The following NEGR1 variants were observed in gnomAD, a reference collection of about 807,000 sequenced individuals.
NEGR1 encodes IgLON family member 4.
Under a neutral mutation model 40.9 loss-of-function variants are expected in NEGR1, and 10 were observed. The observed-to-expected ratio is 0.24, with a 90% confidence interval of 0.15 to 0.42. The LOEUF is 0.42. NEGR1 is among the 10% of genes least tolerant of loss of function. The pLI, the probability that NEGR1 is intolerant of heterozygous loss-of-function variation, is 1.00. For missense variants in NEGR1, 352 were observed against 438.9 expected (o/e 0.80, Z 1.77); for synonymous variants, 185 against 166.8 (o/e 1.11, Z -0.84).
At chr1:71,778,457 A>G (rs1656587297) in intron 2 of NEGR1, among the ~76,000 whole-genome samples, 1 of 152,164 alleles carries the variant, frequency 6.6e-6, no homozygotes, top group Admixed American at 6.5e-5. Context: ...GGCTAGGTTA[A>G]GTTATGATGT....
At chr1:72,088,749 A>G (rs767927753) in intron 1 of NEGR1, among the ~76,000 whole-genome samples, 1 of 151,344 alleles carries the variant, frequency 6.6e-6, no homozygotes, top group Non-Finnish European at 1.5e-5. Flanking sequence ...ATGGAAACAT[A>G]CAATGATAAG....
chr1:72,170,572 A>G (rs1367355406), intron 1 of NEGR1, among the ~76,000 whole-genome samples: 3 of 152,178 alleles, frequency 2.0e-5, no homozygotes, highest in East Asian at 1.9e-4. Context: ...CTAAGCCAGA[A>G]AAAGAGGTAA....
At chr1:71,686,110 G>T (rs931204686) in intron 4 of NEGR1, among the ~76,000 whole-genome samples, 1 of 152,034 alleles carries the variant, frequency 6.6e-6, no homozygotes, top group Non-Finnish European at 1.5e-5. Flanking sequence ...TAGGAGGAAA[G>T]AAAAATCCAT....
intron 1 of NEGR1, among the ~76,000 whole-genome samples, chr1:72,165,200 A>G (rs1324042626): frequency 6.6e-6 from 1 of 152,098 alleles, no homozygotes; most frequent in East Asian, 1.9e-4. Flanking sequence ...TCTCTGTTAC[A>G]TGAAATATAG....
chr1:71,865,096 T>C (rs1385814774), intron 2 of NEGR1, among the ~76,000 whole-genome samples: 1 of 152,090 alleles, frequency 6.6e-6, no homozygotes, highest in Admixed American at 6.6e-5. Context: ...CAGAAATCAG[T>C]AGTAAGGATA....
At chr1:72,095,009 G>C (rs1424611631) in intron 1 of NEGR1, among the ~76,000 whole-genome samples, 1 of 152,028 alleles carries the variant, frequency 6.6e-6, no homozygotes, top group Non-Finnish European at 1.5e-5. Context: ...CAGTACACAA[G>C]AGAAATTATT....
At chr1:71,861,647 G>A (rs886200075) in intron 2 of NEGR1, among the ~76,000 whole-genome samples, 6 of 152,014 alleles carry the variant, frequency 3.9e-5, no homozygotes, top group African/African-American at 1.4e-4. Context: ...TAAGAAAGAT[G>A]GCTAACCTTT....
chr1:71,949,692 C>T (rs560368458), intron 1 of NEGR1, among the ~76,000 whole-genome samples: 3 of 152,164 alleles, frequency 2.0e-5, no homozygotes, highest in Admixed American at 1.3e-4. Context: ...AATTGAAGCA[C>T]ACACAGCAAT....
intron 1 of NEGR1, among the ~76,000 whole-genome samples, chr1:72,034,205 C>A (rs1646883160): frequency 1.3e-5 from 2 of 152,068 alleles, no homozygotes. Context: ...AAATATTTGG[C>A]CAGTTACAAT....
At chr1:71,965,903 G>A (rs556623373) in intron 1 of NEGR1, among the ~76,000 whole-genome samples, 2 of 152,192 alleles carry the variant, frequency 1.3e-5, no homozygotes, top group African/African-American at 4.8e-5. Context: ...GACAGTAAAA[G>A]ATTATAACTG....
chr1:71,927,585 G>C (rs1645786652), intron 2 of NEGR1, among the ~76,000 whole-genome samples: 1 of 151,874 alleles, frequency 6.6e-6, no homozygotes, highest in African/African-American at 2.4e-5. Flanking sequence ...ATTCTAAATT[G>C]TTTAGATATC....
At chr1:71,555,214 A>G (rs970456435) in intron 6 of NEGR1, among the ~76,000 whole-genome samples, 9 of 150,494 alleles carry the variant, frequency 6.0e-5, no homozygotes, top group African/African-American at 2.2e-4. Flanking sequence ...TTAGACCGCT[A>G]GCCATTCTTA....
chr1:71,909,811 T>C (rs1661374472), intron 2 of NEGR1, among the ~76,000 whole-genome samples: 1 of 152,190 alleles, frequency 6.6e-6, no homozygotes, highest in Non-Finnish European at 1.5e-5. Context: ...ACATTAATAT[T>C]GAGGAGATGT....
chr1:71,584,223 C>T (rs1285923478), intron 6 of NEGR1, among the ~76,000 whole-genome samples: 2 of 152,174 alleles, frequency 1.3e-5, no homozygotes, highest in Non-Finnish European at 2.9e-5. Flanking sequence ...TCAATGAGGA[C>T]ATGCCATTTT....
chr1:71,655,092 C>T (rs1651836374), intron 4 of NEGR1, among the ~76,000 whole-genome samples: 1 of 152,076 alleles, frequency 6.6e-6, no homozygotes, highest in Admixed American at 6.6e-5. Flanking sequence ...AGTTTTAATT[C>T]CATTTAAAGA....
intron 4 of NEGR1, among the ~76,000 whole-genome samples, chr1:71,695,925 C>T (rs1653461445): frequency 6.6e-6 from 1 of 151,790 alleles, no homozygotes; most frequent in African/African-American, 2.4e-5. Context: ...GCTCAGGATG[C>T]TTCAACTATG....
chr1:72,227,560 T>TA (rs1481209755), intron 1 of NEGR1, among the ~76,000 whole-genome samples: 1 of 152,028 alleles, frequency 6.6e-6, no homozygotes, highest in Non-Finnish European at 1.5e-5. Context: ...TAAGAGAGTT[T>TA]AAAAAATCTG....
At chr1:72,075,322 G>A (rs1028452275) in intron 1 of NEGR1, among the ~76,000 whole-genome samples, 2 of 152,044 alleles carry the variant, frequency 1.3e-5, no homozygotes, top group South Asian at 4.1e-4. Context: ...TACCCATAGT[G>A]TTACAGAAAA....
intron 1 of NEGR1, among the ~76,000 whole-genome samples, chr1:72,041,839 T>G (rs1333950720): frequency 7.0e-6 from 1 of 143,602 alleles, no homozygotes; most frequent in African/African-American, 2.6e-5. Flanking sequence ...ATATATATTT[T>G]ATATATATTA....
Sources: allele counts gnomAD v4.1 joint callset (sites outside exome capture counted in the v4.1 genomes callset), GRCh38; gene constraint gnomAD v4.1.1; transcripts MANE v1.5; gene names NCBI Gene and HGNC (gene_info 2026-07-23, HGNC 2026-07-21).